The following CDH12 variants were observed in gnomAD, a reference collection of about 807,000 sequenced individuals.
CDH12 encodes the protein cadherin-12.
In CDH12, 41 loss-of-function variants were observed where a neutral mutation model predicts 74.1. The ratio of observed to expected loss-of-function variants is 0.55; its 90% confidence interval spans 0.43 to 0.72. The LOEUF (loss-of-function observed/expected upper bound fraction) is 0.72. CDH12 is among the 30% of genes least tolerant of loss of function. The pLI, the probability that CDH12 is intolerant of heterozygous loss-of-function variation, is 0.00. For synonymous variants in CDH12, 399 were observed against 355.0 expected, an observed-to-expected ratio of 1.12 and a Z score of -1.39; for missense variants, 945 against 977.2, an observed-to-expected ratio of 0.97 and a Z score of 0.44.
chr5:21,911,418 T>C (rs1396393511), intron 6 of CDH12, among the ~76,000 whole-genome samples: 3 of 152,096 alleles, frequency 2.0e-5, no homozygotes, highest in Admixed American at 2.0e-4. Flanking sequence ...AAGGTTTAGT[T>C]AGAGGACTAA....
chr5:22,360,515 TACC>T (rs1367838274), intron 3 of CDH12, among the ~76,000 whole-genome samples: 1 of 152,178 alleles, frequency 6.6e-6, no homozygotes, highest in African/African-American at 2.4e-5. Flanking sequence ...GAGGAGCTGG[TACC>T]ATTCCTTCTG....
intron 3 of CDH12, among the ~76,000 whole-genome samples, chr5:22,343,865 T>C (rs1217016079): frequency 6.6e-6 from 1 of 152,224 alleles, no homozygotes; most frequent in Admixed American, 6.5e-5. Flanking sequence ...TTAGCACAAC[T>C]ATCTCTTTAT....
intron 4 of CDH12, among the ~76,000 whole-genome samples, chr5:22,163,594 A>G (rs1263134915): frequency 6.6e-6 from 1 of 152,162 alleles, no homozygotes; most frequent in Non-Finnish European, 1.5e-5. Flanking sequence ...TACTGCCCCA[A>G]ATATTCATAA....
intron 3 of CDH12, among the ~76,000 whole-genome samples, chr5:22,282,331 T>C (rs1290017045): frequency 6.6e-6 from 1 of 152,110 alleles, no homozygotes; most frequent in Non-Finnish European, 1.5e-5. Context: ...GATATAGACA[T>C]TGGCAAAGAC....
chr5:22,381,803 A>G (rs181951044), intron 3 of CDH12, among the ~76,000 whole-genome samples: 2 of 151,344 alleles, frequency 1.3e-5, no homozygotes, highest in African/African-American at 4.8e-5. Flanking sequence ...TTCTCTACTA[A>G]CAGACACCAA....
intron 1 of CDH12, among the ~76,000 whole-genome samples, chr5:22,520,284 G>T (rs1012838719): frequency 4.6e-5 from 7 of 152,070 alleles, no homozygotes; most frequent in Non-Finnish European, 1.0e-4. Flanking sequence ...ACATGTATAT[G>T]ATGGAAGCTT....
At chr5:22,062,051 AGAAG>A (rs1741225209) in intron 5 of CDH12, among the ~76,000 whole-genome samples, 1 of 152,140 alleles carries the variant, frequency 6.6e-6, no homozygotes, top group Non-Finnish European at 1.5e-5. Context: ...GAGAGAAGAA[AGAAG>A]GAAGAAAAAA....
At chr5:22,273,060 A>G (rs1233035406) in intron 3 of CDH12, among the ~76,000 whole-genome samples, 1 of 152,152 alleles carries the variant, frequency 6.6e-6, no homozygotes, top group Non-Finnish European at 1.5e-5. Flanking sequence ...AACCACCTCC[A>G]TGATCTAACC....
chr5:21,816,669 T>TATA (rs1172340628), intron 9 of CDH12, among the ~76,000 whole-genome samples: 1 of 78,298 alleles, frequency 1.3e-5, no homozygotes, highest in Non-Finnish European at 3.1e-5. Context: ...GAGTATATAC[T>TATA]ATATATAAGA....
At chr5:21,752,471 T>G (rs16888506) in intron 14 of CDH12, among the ~76,000 whole-genome samples, 5,784 of 152,218 alleles carry the variant, frequency 0.038, 136 homozygotes, top group Middle Eastern at 0.071. Context: ...TGTCTTTATA[T>G]TAAAGTATTT....
intron 1 of CDH12, among the ~76,000 whole-genome samples, chr5:22,554,615 C>T (rs1738717299): frequency 1.3e-5 from 2 of 152,008 alleles, no homozygotes; most frequent in South Asian, 4.1e-4. Context: ...GGTGAGTGGA[C>T]ATCCCATTAA....
intron 3 of CDH12, among the ~76,000 whole-genome samples, chr5:22,353,774 A>G (rs1458749078): frequency 6.6e-6 from 1 of 152,106 alleles, no homozygotes; most frequent in Non-Finnish European, 1.5e-5. Flanking sequence ...TTTTTACACT[A>G]AATGTGTACC....
rs573604925 is a variant in CDH12, at chr5:22,210,641, T to G, written c.-187+1857A>C. ...TTTCATTAGAGAGTAAACGCAACCT[T>G]CAATGGACGTACTCTGGTCAGACAC... is the stretch of plus-strand genomic sequence containing the variant. On this transcript the variant is annotated intron_variant, in intron 4 of 14. Transcript: ENST00000382254. Among the ~76,000 whole-genome samples the G allele has an allele frequency of 9.9e-4, 150 of 152,208 alleles. 1 individual carries two copies. The highest frequency in any genetic ancestry group is 3.5e-3 in the African/African-American group (145 of 41,536).
chr5:22,754,670 G>A (rs1167333291), intron 1 of CDH12, among the ~76,000 whole-genome samples: 3 of 152,034 alleles, frequency 2.0e-5, no homozygotes, highest in African/African-American at 7.2e-5. Flanking sequence ...CACAAAACGA[G>A]ATGGGAAAGT....
Position 22,806,576 on chromosome 5 carries a change from G to T in CDH12, c.-523+46482C>A, listed in dbSNP as rs374612944. ...TCACCGTGTTAGCCAGGATGGTCTC[G>T]ATCTCCTGACCTCGTGATCCGCCCG... On this transcript the variant is annotated intron_variant, in intron 1 of 14. Coordinates refer to ENST00000382254, the MANE Select transcript of CDH12 (RefSeq NM_004061.5). Among the ~76,000 whole-genome samples, 46 of 151,924 alleles carry T rather than the reference G, an allele frequency of 3.0e-4. No homozygotes were observed. The East Asian group carries it at 5.2e-3, about 17-fold the overall frequency.
chr5:21,901,284 CA>C lies in CDH12; in HGVS notation c.527-46495del, dbSNP rs1311942013. On this transcript the variant is annotated intron_variant, in intron 6 of 14. Coordinates refer to ENST00000382254, the MANE Select transcript of CDH12 (RefSeq NM_004061.5). ...AAGTCATATTATTATAGTCTAATTC[CA>C]ATCCTGAGAGTGAACAAAAAAAGTT... Among the ~76,000 whole-genome samples the C allele has an allele frequency of 2.0e-5, 3 of 152,036 alleles. No individual in the cohort carries two copies. The East Asian group carries it at 5.8e-4, about 29-fold the overall frequency.
chr5:22,836,223 C>T lies in CDH12; in HGVS notation c.-523+16835G>A, dbSNP rs2356288. ...TTTTTTTCTTTTTTTCTTTCTTTCT[C>T]TTTTTTTTTTTTTTTTTTGAGACAG... is the stretch of plus-strand genomic sequence containing the variant. On this transcript the variant is annotated intron_variant, in intron 1 of 14. Coordinates refer to ENST00000382254, the MANE Select transcript of CDH12 (RefSeq NM_004061.5). 7.3e-3 allele frequency among the ~76,000 whole-genome samples: 475 copies of T among 65,438 alleles called. 2 individuals are homozygous for T. The highest frequency in any genetic ancestry group is 0.023 in the Middle Eastern group (1 of 44). 42.9% of individuals were successfully genotyped at this position (65,438 alleles called of 152,430 possible).
chr5:22,133,417 T>C (rs770325655), intron 4 of CDH12, among the ~76,000 whole-genome samples: 61 of 152,110 alleles, frequency 4.0e-4, no homozygotes, highest in Non-Finnish European at 7.2e-4. Flanking sequence ...TGTGGGAAAA[T>C]TTAGCACTTC....
chr5:22,080,840 C>T (rs115675777), intron 4 of CDH12, among the ~76,000 whole-genome samples: 5,528 of 151,906 alleles, frequency 0.036, 235 homozygotes, highest in African/African-American at 0.1. Flanking sequence ...AGCGCAGTGG[C>T]GTAATCTCAG....
Sources: gnomAD v4.1 joint callset for allele counts (sites outside exome capture counted in the v4.1 genomes callset) on GRCh38, gnomAD v4.1.1 for gene constraint, MANE v1.5 for transcripts, NCBI Gene and HGNC (gene_info 2026-07-23, HGNC 2026-07-21) for gene names.